DLG2: variants seen among roughly 807,000 people sequenced by gnomAD.
The protein encoded by DLG2 is discs large MAGUK scaffold protein 2.
In DLG2, 45 loss-of-function variants were observed where a neutral mutation model predicts 132.5. That is an observed-to-expected ratio of 0.34 (90% CI 0.27 to 0.44). The LOEUF is 0.44. Among genes scored for constraint, DLG2 ranks in the 20% least tolerant of loss-of-function variants. The pLI is 1.00. For synonymous variants in DLG2, 424 were observed against 419.6 expected, an observed-to-expected ratio of 1.01 and a Z score of -0.13; for missense variants, 1,045 against 1,196.9, an observed-to-expected ratio of 0.87 and a Z score of 1.87.
At chr11:83,654,647 A>G (rs2071755798) in intron 18 of DLG2, among the ~76,000 whole-genome samples, 1 of 152,168 alleles carries the variant, frequency 6.6e-6, no homozygotes, top group Non-Finnish European at 1.5e-5. Flanking sequence ...GACACACTCT[A>G]GAAGGATAGG....
chr11:84,878,711 A>T (rs2154052183), intron 6 of DLG2, among the ~76,000 whole-genome samples: 1 of 152,326 alleles, frequency 6.6e-6, no homozygotes, highest in East Asian at 1.9e-4. Context: ...TAGAAAAAAA[A>T]TCCAAAAAAG....
chr11:83,511,975 A>T (rs754619526), intron 21 of DLG2, among the ~76,000 whole-genome samples: 26 of 152,156 alleles, frequency 1.7e-4, no homozygotes, highest in Non-Finnish European at 3.2e-4. Context: ...AGCATAGGGA[A>T]CACAAAGGGA....
intron 18 of DLG2, among the ~76,000 whole-genome samples, chr11:83,766,596 G>T (rs1251961570): frequency 6.6e-6 from 1 of 151,858 alleles, no homozygotes; most frequent in Non-Finnish European, 1.5e-5. Context: ...TTTTGCCAAG[G>T]TTATCTTTTC....
rs192823130 is a variant in DLG2 at position 83,654,009 on chromosome 11, C to T, written c.1826-20684G>A. ...TGCTGGGATCACAGGCATGAGCCAC[C>T]GCGCCTGGCCAAGAATTTTTTTTTT... On this transcript the variant is annotated intron_variant, in intron 18 of 27. Coordinates refer to ENST00000376104, the MANE Select transcript of DLG2 (RefSeq NM_001142699.3). Among the ~76,000 whole-genome samples, 17 of 152,220 alleles carry T rather than the reference C, an allele frequency of 1.1e-4. No individual in the cohort carries two copies. In the East Asian group the frequency reaches 2.7e-3, roughly 24 times the overall value.
intron 3 of DLG2, among the ~76,000 whole-genome samples, chr11:85,528,643 G>A (rs1168568622): frequency 1.3e-5 from 2 of 152,114 alleles, no homozygotes; most frequent in Non-Finnish European, 2.9e-5. Flanking sequence ...CACTCAAATG[G>A]GTTATGCTTC....
intron 4 of DLG2, among the ~76,000 whole-genome samples, chr11:85,214,434 A>G (rs2082448805): frequency 6.6e-6 from 1 of 152,128 alleles, no homozygotes. Context: ...TCAACTTCAT[A>G]TGCAATTCTT....
intron 9 of DLG2, among the ~76,000 whole-genome samples, chr11:84,111,837 C>T (rs1334176007): frequency 2.6e-5 from 4 of 152,156 alleles, no homozygotes; most frequent in Admixed American, 1.3e-4. Context: ...TGGCTCCTCT[C>T]TCCCTGGGTC....
chr11:83,709,316 T>G (rs2084833133), intron 18 of DLG2, among the ~76,000 whole-genome samples: 1 of 148,090 alleles, frequency 6.8e-6, no homozygotes, highest in African/African-American at 2.5e-5. Flanking sequence ...TATATATGTA[T>G]AAAGTTATAT....
chr11:85,094,255 C>T (rs2069350300), intron 6 of DLG2, among the ~76,000 whole-genome samples: 1 of 152,132 alleles, frequency 6.6e-6, no homozygotes, highest in South Asian at 2.1e-4. Context: ...CCACAATTTT[C>T]AATATGGTAA....
intron 17 of DLG2, among the ~76,000 whole-genome samples, chr11:83,806,136 T>C (rs113667535): frequency 0.014 from 2,114 of 152,212 alleles, 63 homozygotes; most frequent in African/African-American, 0.048. Flanking sequence ...TCAGGTTCTA[T>C]CTTCCCAGAC....
At chr11:85,474,899 T>C (rs753934402) in intron 3 of DLG2, among the ~76,000 whole-genome samples, 5 of 151,512 alleles carry the variant, frequency 3.3e-5, no homozygotes, top group Non-Finnish European at 7.4e-5. Flanking sequence ...ATGCTTACAT[T>C]AGAAAAGAAA....
At chr11:83,558,336 T>C (rs2096554411) in intron 19 of DLG2, among the ~76,000 whole-genome samples, 2 of 152,140 alleles carry the variant, frequency 1.3e-5, no homozygotes, top group Admixed American at 1.3e-4. Flanking sequence ...TAAAAAACTT[T>C]TATCTTATTA....
At chr11:83,911,061 T>C (rs967931686) in intron 15 of DLG2, among the ~76,000 whole-genome samples, 1 of 152,144 alleles carries the variant, frequency 6.6e-6, no homozygotes, top group African/African-American at 2.4e-5. Flanking sequence ...CCAAAGAAGA[T>C]AGGCACTCAC....
intron 18 of DLG2, among the ~76,000 whole-genome samples, chr11:83,757,352 G>A (rs1352846223): frequency 6.6e-6 from 1 of 152,204 alleles, no homozygotes; most frequent in African/African-American, 2.4e-5. Context: ...GTTCTACTGA[G>A]TGGAGACTGC....
intron 7 of DLG2, among the ~76,000 whole-genome samples, chr11:84,286,169 C>A (rs1599084749): frequency 6.6e-6 from 1 of 152,258 alleles, no homozygotes; most frequent in East Asian, 1.9e-4. Flanking sequence ...CTTCCAAGTT[C>A]TTTATCACGT....
At chr11:84,868,452 A>C (rs1400327013) in intron 6 of DLG2, among the ~76,000 whole-genome samples, 2 of 152,178 alleles carry the variant, frequency 1.3e-5, no homozygotes, top group Non-Finnish European at 2.9e-5. Flanking sequence ...ACTGGGATTC[A>C]ATTTTTGGCT....
At chr11:84,698,316 C>T (rs2058836691) in intron 6 of DLG2, among the ~76,000 whole-genome samples, 1 of 151,460 alleles carries the variant, frequency 6.6e-6, no homozygotes, top group Non-Finnish European at 1.5e-5. Flanking sequence ...TGCCTGTGAA[C>T]ATTGAGCTAG....
chr11:83,520,734 G>C (rs951821413), intron 21 of DLG2, among the ~76,000 whole-genome samples: 5 of 144,370 alleles, frequency 3.5e-5, no homozygotes, highest in Admixed American at 1.4e-4. Flanking sequence ...TAGATAGATA[G>C]ATAGAGTGGG....
chr11:85,521,192 C>A (rs1318852046), intron 3 of DLG2, among the ~76,000 whole-genome samples: 1 of 152,112 alleles, frequency 6.6e-6, no homozygotes, highest in East Asian at 1.9e-4. Context: ...GGGTGAGGGA[C>A]CTTGTAGGAG....
Sources: gnomAD v4.1 joint callset for allele counts (sites outside exome capture counted in the v4.1 genomes callset) on GRCh38, gnomAD v4.1.1 for gene constraint, MANE v1.5 for transcripts, NCBI Gene and HGNC (gene_info 2026-07-23, HGNC 2026-07-21) for gene names.